The following AHRR variants were observed in gnomAD, a reference collection of about 807,000 sequenced individuals.
AHRR encodes the protein ahR repressor.
Under a neutral mutation model 44.0 loss-of-function variants are expected in AHRR, and 28 were observed. The ratio of observed to expected loss-of-function variants is 0.64; its 90% CI spans 0.47 to 0.87. AHRR has a LOEUF of 0.87. Among genes scored for constraint, AHRR ranks in the 40% least tolerant of loss-of-function variants. AHRR has a pLI of 0.00. For missense variants in AHRR, 990 were observed against 953.9 expected (o/e 1.04, Z -0.50); for synonymous variants, 434 against 407.0 (o/e 1.07, Z -0.80).
chr5:419,844 C>G lies in AHRR; in HGVS notation c.442-2885C>G, dbSNP rs1735987965. The stretch of plus-strand genomic sequence containing the variant: ...TTTAGAAGGGGGAAGACCCAGGTTT[C>G]TGGGTCTTTGTTTCCTTGGTTTTGT... On this transcript the variant is annotated intron_variant, in intron 5 of 10. Coordinates refer to ENST00000684583, the MANE Select transcript of AHRR (RefSeq NM_001377236.1). The surrounding 1 kb of genome is among the most constrained non-coding windows in gnomAD (Gnocchi z 4.4). 6.6e-6 allele frequency among the ~76,000 whole-genome samples: 1 copy of G among 152,154 alleles called. No homozygotes were observed. Among genetic ancestry groups the G allele is most frequent in the Non-Finnish European group, 1.5e-5 (1 of 68,030 alleles).
intron 4 of AHRR, among the ~76,000 whole-genome samples, chr5:412,790 G>A (rs897412025): frequency 5.5e-5 from 8 of 145,836 alleles, no homozygotes; most frequent in Non-Finnish European, 7.4e-5. Context: ...GTGCGACCTC[G>A]GCTCGCTGCA....
chr5:422,567 G>A, intron 5 of AHRR, 162 bp from the exon 6 acceptor site: 2 of 904,492 alleles, frequency 2.2e-6, no homozygotes, highest in Non-Finnish European at 3.4e-6. Flanking sequence ...AGGAGGGAGT[G>A]GGGAACCGGG....
intron 4 of AHRR, among the ~76,000 whole-genome samples, chr5:381,043 G>T (rs1202469694): frequency 3.3e-5 from 5 of 152,232 alleles, no homozygotes; most frequent in Admixed American, 2.0e-4. Flanking sequence ...TGATGTCCAA[G>T]GGCAAGAGGA....
At chr5:363,722 T>TA (rs1743260498) in intron 3 of AHRR, among the ~76,000 whole-genome samples, 1 of 152,186 alleles carries the variant, frequency 6.6e-6, no homozygotes, top group Non-Finnish European at 1.5e-5. Flanking sequence ...GCAGGCCTCG[T>TA]GAAACCCCTC....
intron 4 of AHRR, among the ~76,000 whole-genome samples, chr5:409,631 A>G (rs1237087905): frequency 6.7e-6 from 1 of 150,144 alleles, no homozygotes; most frequent in Non-Finnish European, 1.5e-5. Context: ...TATCTGTGCA[A>G]ACGTTTGTCC....
At position 434,924 on chromosome 5, in the gene AHRR, C is replaced by A; in HGVS notation, c.*90C>A. 1 of 1,462,932 alleles carries A rather than the reference C, an allele frequency of 6.8e-7. No homozygotes were observed. The highest frequency in any genetic ancestry group is 1.4e-5 in the South Asian group (1 of 73,050). The allele number at this position is 1,462,932 out of a possible 1,614,324, so 90.6% of individuals were successfully genotyped here. On this transcript the variant is annotated 3_prime_UTR_variant, in exon 11 of 11. Transcript: ENST00000684583. ...GCCCTGCTCCTGGTCAGGCCGGAGC[C>A]CGTCCTAAGACACACGCTTTGCAGA...
intron 3 of AHRR, among the ~76,000 whole-genome samples, chr5:361,634 G>A (rs1195795377): frequency 6.6e-6 from 1 of 152,208 alleles, no homozygotes; most frequent in Non-Finnish European, 1.5e-5. Context: ...AGGCCTCCAG[G>A]TCTCAGGCGC....
chr5:348,592 A>G (rs1196548301), intron 2 of AHRR, among the ~76,000 whole-genome samples: 1 of 152,102 alleles, frequency 6.6e-6, no homozygotes, highest in Non-Finnish European at 1.5e-5. Context: ...TTGTCCTGGC[A>G]TTTTGTGCAA....
intron 3 of AHRR, among the ~76,000 whole-genome samples, chr5:372,300 T>TC (rs1743606477): frequency 6.6e-6 from 1 of 152,008 alleles, no homozygotes; most frequent in African/African-American, 2.4e-5. Context: ...TGGAGGCATG[T>TC]CCTCCTTCCC....
intron 4 of AHRR, among the ~76,000 whole-genome samples, chr5:385,328 C>T (rs182262918): frequency 4.5e-4 from 69 of 152,228 alleles, no homozygotes; most frequent in African/African-American, 1.2e-3. Flanking sequence ...GTGCACACCA[C>T]CATGCTCAGC....
intron 3 of AHRR, among the ~76,000 whole-genome samples, chr5:355,258 G>T (rs773604033): frequency 1.3e-4 from 20 of 151,972 alleles, no homozygotes; most frequent in Non-Finnish European, 2.8e-4. Context: ...GGTGCAGTTG[G>T]TGTGGTCTGG....
At position 433,934 on chromosome 5, in the gene AHRR, GC is replaced by G; in HGVS notation, c.1198del (p.Leu400CysfsTer111). On this transcript the variant is annotated frameshift_variant, in exon 11 of 11. Coordinates refer to ENST00000684583, the MANE Select transcript of AHRR (RefSeq NM_001377236.1). ...GRRETPGPTKPLPWTAGKHSE... is the reference protein window; with the variant it reads ...GRRETPGPTKXLPWTAGKHSE... Reference sequence around the variant, plus strand: ...GGAGGGAGACTCCAGGACCCACAAAGCCCCTGCCCTGGACAGCGGGAAAGCA... The same window carrying G: ...GGAGGGAGACTCCAGGACCCACAAAGCCCTGCCCTGGACAGCGGGAAAGCA... 6.5e-7 allele frequency: 1 copy of G among 1,539,006 alleles called. No individual in the cohort carries two copies. Among genetic ancestry groups the G allele is most frequent in the Non-Finnish European group, 8.7e-7 (1 of 1,143,018 alleles).
rs894047180 is a variant in AHRR, at chr5:428,727, G to A, written c.908+721G>A. Among the ~76,000 whole-genome samples the A allele has an allele frequency of 2.0e-5, 3 of 152,232 alleles. No homozygotes were observed. The East Asian group carries it at 5.8e-4, about 29-fold the overall frequency. On this transcript the variant is annotated intron_variant, in intron 8 of 10. Transcript: ENST00000684583. ...CAACTTGGCATAATGTAGAACCAGTGGTAGCTCTGAGCTTGTTTTCCTGTA... is the reference window on the plus strand; with the variant it reads ...CAACTTGGCATAATGTAGAACCAGTAGTAGCTCTGAGCTTGTTTTCCTGTA...
Position 434,760 on chromosome 5 carries a change from C to G in AHRR, c.2020C>G (p.Pro674Ala). ...QWATHSQGMVPGMLPKSALAT... is the reference protein window; with the variant it reads ...QWATHSQGMVAGMLPKSALAT... ...GGCTACTCACAGCCAGGGAATGGTGCCCGGGATGTTGCCCAAAAGTGCCTT... is the reference window on the plus strand; with the variant it reads ...GGCTACTCACAGCCAGGGAATGGTGGCCGGGATGTTGCCCAAAAGTGCCTT... Residue 674 changes from proline (P) to alanine (A), a missense_variant, in exon 11 of 11, where the codon CCC (proline) becomes GCC (alanine). Coordinates refer to ENST00000684583, the MANE Select transcript of AHRR (RefSeq NM_001377236.1). 6.4e-7 allele frequency: 1 copy of G among 1,563,740 alleles called. No individual in the cohort carries two copies. The highest frequency in any genetic ancestry group is 8.7e-7 in the Non-Finnish European group (1 of 1,153,858).
chr5:402,843 C>A (rs1010206641), intron 4 of AHRR, among the ~76,000 whole-genome samples: 4 of 152,174 alleles, frequency 2.6e-5, no homozygotes, highest in African/African-American at 9.7e-5. Context: ...TGTGTATACA[C>A]CATGGAATCC....
At chr5:407,841 T>G (rs2126504682) in intron 4 of AHRR, among the ~76,000 whole-genome samples, 1 of 152,298 alleles carries the variant, frequency 6.6e-6, no homozygotes, top group South Asian at 2.1e-4. Context: ...CCGGCCTTAC[T>G]TGGGTTATTT....
rs993909321 is a variant in AHRR, at chr5:338,739, T to A, written c.-10-5154T>A. 6.6e-6 allele frequency among the ~76,000 whole-genome samples: 1 copy of A among 152,204 alleles called. No individual in the cohort carries two copies. The highest frequency in any genetic ancestry group is 6.5e-5 in the Admixed American group (1 of 15,278). On this transcript the variant is annotated intron_variant, in intron 1 of 10. Transcript: ENST00000684583. This position sits in a 1 kb window ranked among gnomAD's most constrained non-coding sequence, Gnocchi z 4.1. ...CTGGTTATGAGCAATTTGATTATGA[T>A]ATGCCTTGGTGTAATTTTCCTGTTT...
chr5:344,919 G>T (rs919190609), intron 2 of AHRR, among the ~76,000 whole-genome samples: 1 of 131,422 alleles, frequency 7.6e-6, no homozygotes, highest in Non-Finnish European at 1.6e-5. Context: ...GGTGTGTGTG[G>T]AGGGCTGTGG....
chr5:349,430 A>T (rs923598789), intron 2 of AHRR, among the ~76,000 whole-genome samples: 5 of 152,024 alleles, frequency 3.3e-5, no homozygotes, highest in African/African-American at 7.3e-5. Flanking sequence ...ACAAAAAAAA[A>T]TTAGCCGGGC....
Sources: gnomAD v4.1 joint callset for allele counts (sites outside exome capture counted in the v4.1 genomes callset) on GRCh38, gnomAD v4.1.1 for gene constraint, Gnocchi (gnomAD v3.1) non-coding constraint, MANE v1.5 for transcripts, NCBI Gene and HGNC (gene_info 2026-07-23, HGNC 2026-07-21) for gene names.